CNTNAP2: variants seen among roughly 807,000 people sequenced by gnomAD.
CNTNAP2 encodes the protein contactin associated protein 2.
A neutral mutation model predicts 155.2 loss-of-function variants in CNTNAP2; 98 were observed. The observed-to-expected ratio is 0.63, with a 90% confidence interval of 0.54 to 0.75. CNTNAP2 has a LOEUF of 0.75. Ranked by LOEUF, CNTNAP2 falls within the 30% of genes least tolerant of loss-of-function variation. The pLI, the probability that CNTNAP2 is intolerant of heterozygous loss-of-function variation, is 0.00. For missense variants in CNTNAP2, 1,727 were observed against 1,688.1 expected, an observed-to-expected ratio of 1.02 and a Z score of -0.40; for synonymous variants, 651 against 631.2, an observed-to-expected ratio of 1.03 and a Z score of -0.47.
intron 1 of CNTNAP2, among the ~76,000 whole-genome samples, chr7:146,359,180 G>A (rs1186765774): frequency 6.6e-6 from 1 of 152,232 alleles, no homozygotes; most frequent in African/African-American, 2.4e-5. Flanking sequence ...TGGGCACAAT[G>A]CCATTGTAAT....
intron 1 of CNTNAP2, among the ~76,000 whole-genome samples, chr7:146,569,660 C>A (rs1252693891): frequency 3.3e-5 from 5 of 152,116 alleles, no homozygotes; most frequent in African/African-American, 1.2e-4. Context: ...GGTAGGGTAG[C>A]CCAAAGCTGA....
chr7:147,033,044 T>C (rs1799065848), intron 3 of CNTNAP2, among the ~76,000 whole-genome samples: 1 of 151,284 alleles, frequency 6.6e-6, no homozygotes, highest in Non-Finnish European at 1.5e-5. Context: ...TTAATGCTTC[T>C]AGTACGATTA....
intron 11 of CNTNAP2, among the ~76,000 whole-genome samples, chr7:147,557,838 T>G (rs1050526538): frequency 3.9e-5 from 6 of 152,240 alleles, no homozygotes; most frequent in Non-Finnish European, 7.3e-5. Context: ...CCATGACTTT[T>G]CATAGCAAAG....
At chr7:147,306,442 C>T (rs1455511444) in intron 9 of CNTNAP2, among the ~76,000 whole-genome samples, 4 of 152,100 alleles carry the variant, frequency 2.6e-5, no homozygotes, top group East Asian at 1.9e-4. Context: ...GTAACCTCTG[C>T]GTAGGACCAC....
intron 9 of CNTNAP2, among the ~76,000 whole-genome samples, chr7:147,352,722 G>T (rs10254249): frequency 0.16 from 24,239 of 151,686 alleles, 2,055 homozygotes; most frequent in African/African-American, 0.17. Flanking sequence ...CTGCTCTATT[G>T]CCTGTTACTA....
intron 8 of CNTNAP2, among the ~76,000 whole-genome samples, chr7:147,240,137 A>G (rs575452722): frequency 1.6e-4 from 25 of 152,268 alleles, no homozygotes; most frequent in South Asian, 1.2e-3. Context: ...GCAACATAGC[A>G]AGATGCCGTC....
At chr7:147,714,871 A>G (rs1036563523) in intron 13 of CNTNAP2, among the ~76,000 whole-genome samples, 2 of 152,104 alleles carry the variant, frequency 1.3e-5, no homozygotes, top group African/African-American at 4.8e-5. Flanking sequence ...CCTGGAAACC[A>G]TTAATTGTTT....
intron 1 of CNTNAP2, among the ~76,000 whole-genome samples, chr7:146,135,204 C>G (rs572548611): frequency 2.6e-5 from 4 of 151,980 alleles, no homozygotes; most frequent in Non-Finnish European, 4.4e-5. Context: ...AAGAAGCACA[C>G]TTTAGAGGAA....
chr7:147,011,637 C>A (rs1391396882), intron 3 of CNTNAP2, among the ~76,000 whole-genome samples: 1 of 128,044 alleles, frequency 7.8e-6, no homozygotes, highest in Non-Finnish European at 1.7e-5. Flanking sequence ...CTATTCCGAG[C>A]CACTCATTCT....
At chr7:146,722,782 C>T (rs976379917) in intron 1 of CNTNAP2, among the ~76,000 whole-genome samples, 3 of 151,888 alleles carry the variant, frequency 2.0e-5, no homozygotes, top group Non-Finnish European at 4.4e-5. Context: ...TTTGGGAGGC[C>T]GAGGCGGATG....
intron 12 of CNTNAP2, among the ~76,000 whole-genome samples, chr7:147,578,231 A>C (rs947424528): frequency 6.6e-6 from 1 of 152,136 alleles, no homozygotes; most frequent in Non-Finnish European, 1.5e-5. Context: ...TCAGCTAATT[A>C]AAAGAGATGA....
intron 10 of CNTNAP2, among the ~76,000 whole-genome samples, chr7:147,471,275 T>TTA: frequency 6.6e-6 from 1 of 152,160 alleles, no homozygotes; most frequent in East Asian, 1.9e-4. Flanking sequence ...TTTAGACCTT[T>TTA]CAGTTTACAG....
In CNTNAP2 at chr7:147,848,281, G is replaced by A. The variant is rs557757663; in HGVS notation, c.2099-55284G>A. On this transcript the variant is annotated intron_variant, in intron 13 of 23. Coordinates refer to ENST00000361727, the MANE Select transcript of CNTNAP2 (RefSeq NM_014141.6). ...AGGCGTAGGACCCTCTGAGCCAGGT[G>A]TGGGATATAGTCTCGTGGTGCGCCG... 3.4e-5 allele frequency among the ~76,000 whole-genome samples: 5 copies of A among 148,722 alleles called. No homozygotes were observed. In the South Asian group the frequency reaches 8.7e-4, roughly 26 times the overall value.
At chr7:148,303,716 T>A (rs1797436452) in intron 21 of CNTNAP2, among the ~76,000 whole-genome samples, 1 of 152,228 alleles carries the variant, frequency 6.6e-6, no homozygotes, top group Non-Finnish European at 1.5e-5. Flanking sequence ...GTCCTTATTG[T>A]CCTAATTGGG....
At chr7:146,823,801 T>A (rs1223356259) in intron 2 of CNTNAP2, among the ~76,000 whole-genome samples, 1 of 152,040 alleles carries the variant, frequency 6.6e-6, no homozygotes, top group Non-Finnish European at 1.5e-5. Context: ...TTCTTCCCAT[T>A]TTTTTATGGC....
At chr7:146,158,676 G>C (rs944031832) in intron 1 of CNTNAP2, among the ~76,000 whole-genome samples, 3 of 152,136 alleles carry the variant, frequency 2.0e-5, no homozygotes, top group African/African-American at 7.2e-5. Flanking sequence ...AATGAAGCAA[G>C]AAGAGAAGTT....
chr7:146,769,921 C>T (rs1007269038), intron 1 of CNTNAP2, among the ~76,000 whole-genome samples: 2 of 152,042 alleles, frequency 1.3e-5, no homozygotes. Flanking sequence ...AGTTTTCTAA[C>T]TCTTGGTGGT....
chr7:146,762,493 G>T (rs769900858), intron 1 of CNTNAP2, among the ~76,000 whole-genome samples: 1 of 152,156 alleles, frequency 6.6e-6, no homozygotes, highest in Non-Finnish European at 1.5e-5. Flanking sequence ...CAGCTACTTG[G>T]GAGGCTGAGG....
chr7:148,313,812 C>A (rs1485759617), intron 21 of CNTNAP2, among the ~76,000 whole-genome samples: 1 of 152,042 alleles, frequency 6.6e-6, no homozygotes, highest in African/African-American at 2.4e-5. Context: ...GCCTTTTGAC[C>A]TTTTAGGGTC....
Sources: gnomAD v4.1 joint callset for allele counts (sites outside exome capture counted in the v4.1 genomes callset) on GRCh38, gnomAD v4.1.1 for gene constraint, MANE v1.5 for transcripts, NCBI Gene and HGNC (gene_info 2026-07-23, HGNC 2026-07-21) for gene names.